Variants in POPDC1 observed in about 807,000 individuals in gnomAD.
POPDC1 encodes the protein popeye domain-containing protein 1.
chr6:105,118,452 T>G, the POPDC1 span, among the ~76,000 whole-genome samples: 1 of 152,238 alleles, frequency 6.6e-6, no homozygotes, highest in African/African-American at 2.4e-5. Context: ...TAAGACTTGA[T>G]GAAACACTAA....
chr6:105,130,085 T>C, the POPDC1 span, among the ~76,000 whole-genome samples: 1 of 152,102 alleles, frequency 6.6e-6, no homozygotes, highest in Non-Finnish European at 1.5e-5. Context: ...AAAAATATTT[T>C]TAAAGGGGAA....
the POPDC1 span, chr6:105,124,503 T>G: frequency 2.2e-6 from 3 of 1,358,474 alleles, no homozygotes; most frequent in Non-Finnish European, 3.2e-6. Context: ...CTGAATGAGA[T>G]GCAAACTAGT....
At chr6:105,112,939 C>CTTTTTT in the POPDC1 span, among the ~76,000 whole-genome samples, 1 of 147,714 alleles carries the variant, frequency 6.8e-6, no homozygotes, top group Non-Finnish European at 1.5e-5. Context: ...TTTTTCTTTT[C>CTTTTTT]TTTTTTTTTT....
At chr6:105,114,306 T>G in the POPDC1 span, among the ~76,000 whole-genome samples, 1 of 152,228 alleles carries the variant, frequency 6.6e-6, no homozygotes, top group Non-Finnish European at 1.5e-5. Flanking sequence ...TGTATCCTTT[T>G]CTCTTGTTAA....
At chr6:105,118,558 T>C in the POPDC1 span, among the ~76,000 whole-genome samples, 1 of 152,218 alleles carries the variant, frequency 6.6e-6, no homozygotes, top group Non-Finnish European at 1.5e-5. Context: ...AAAGACAAGA[T>C]GCTTGCCCCA....
At chr6:105,109,477 C>T in the POPDC1 span, among the ~76,000 whole-genome samples, 84 of 151,962 alleles carry the variant, frequency 5.5e-4, no homozygotes, top group Non-Finnish European at 1.2e-3. Context: ...TAGTCACTTG[C>T]CTATAATCCC....
At chr6:105,124,518 A>G in the POPDC1 span, 1 of 1,468,794 alleles carries the variant, frequency 6.8e-7, no homozygotes, top group East Asian at 2.3e-5. Flanking sequence ...ACTAGTTTCA[A>G]TCTCCTTAAA....
chr6:105,128,666 G>C, the POPDC1 span, among the ~76,000 whole-genome samples: 1 of 152,120 alleles, frequency 6.6e-6, no homozygotes, highest in Admixed American at 6.5e-5. Context: ...ATTCAAATTA[G>C]AATCTTCTAT....
chr6:105,112,018 A>C, the POPDC1 span, among the ~76,000 whole-genome samples: 1 of 152,326 alleles, frequency 6.6e-6, no homozygotes, highest in Middle Eastern at 3.4e-3. Flanking sequence ...GCAAAATTCC[A>C]GAAGGTGGGA....
chr6:105,134,619 C>T, the POPDC1 span, among the ~76,000 whole-genome samples: 2 of 152,034 alleles, frequency 1.3e-5, no homozygotes, highest in African/African-American at 4.8e-5. Flanking sequence ...TCTTAACATA[C>T]TAAAGGTTTT....
At chr6:105,097,104 C>CA in the POPDC1 span, 5,451 of 152,432 alleles carry the variant, frequency 0.036, 118 homozygotes, top group African/African-American at 0.056. Context: ...TCACTATAGA[C>CA]AGAGTATTCG....
At chr6:105,131,715 C>T in the POPDC1 span, among the ~76,000 whole-genome samples, 11 of 152,016 alleles carry the variant, frequency 7.2e-5, no homozygotes, top group Admixed American at 1.3e-4. Flanking sequence ...TATGCCTGGC[C>T]TAGATTTCTC....
At chr6:105,119,160 G>A in the POPDC1 span, among the ~76,000 whole-genome samples, 2 of 148,128 alleles carry the variant, frequency 1.4e-5, no homozygotes, top group African/African-American at 5.0e-5. Context: ...ACTCTAGCCT[G>A]GGTAACAGAG....
the POPDC1 span, chr6:105,124,806 G>A: frequency 1.6e-6 from 1 of 622,684 alleles, no homozygotes; most frequent in Non-Finnish European, 2.8e-6. Flanking sequence ...ACTTCTTGAG[G>A]CACAAGTATT....
At chr6:105,136,202 T>C in the POPDC1 span, 8 of 152,388 alleles carry the variant, frequency 5.2e-5, no homozygotes, top group South Asian at 1.0e-3. Context: ...TGGCATTACA[T>C]TGCTAAGAGT....
the POPDC1 span, among the ~76,000 whole-genome samples, chr6:105,122,155 C>CA: frequency 6.6e-6 from 1 of 152,282 alleles, no homozygotes; most frequent in South Asian, 2.1e-4. Flanking sequence ...TGTAAACAAT[C>CA]AAAGTACAGT....
the POPDC1 span, chr6:105,116,918 A>T: frequency 7.2e-6 from 11 of 1,526,278 alleles, 1 homozygote; most frequent in Non-Finnish European, 9.8e-6. Flanking sequence ...ATGTATATGA[A>T]TTATGACTAT....
the POPDC1 span, among the ~76,000 whole-genome samples, chr6:105,122,785 C>T: frequency 6.6e-6 from 1 of 152,194 alleles, no homozygotes; most frequent in African/African-American, 2.4e-5. Flanking sequence ...ATAAATCTCA[C>T]ATCAAAGCTG....
chr6:105,128,489 C>A, the POPDC1 span, among the ~76,000 whole-genome samples: 1 of 152,020 alleles, frequency 6.6e-6, no homozygotes. Context: ...AGGCAAGATA[C>A]AAGGTGGGTG....
Sources: allele counts gnomAD v4.1 joint callset (sites outside exome capture counted in the v4.1 genomes callset), GRCh38; gene constraint gnomAD v4.1.1; transcripts MANE v1.5; gene names NCBI Gene and HGNC (gene_info 2026-07-23, HGNC 2026-07-21).